The following MPZ variants were observed in gnomAD, a reference collection of about 807,000 sequenced individuals.
MPZ encodes the protein myelin protein P0.
A neutral mutation model predicts 27.9 loss-of-function variants in MPZ; 13 were observed. The observed-to-expected ratio is 0.47, with a 90% CI of 0.30 to 0.74. MPZ has a LOEUF of 0.74. MPZ is among the 30% of genes least tolerant of loss of function. The probability of loss-of-function intolerance (pLI) is 0.06; values close to 1 mark genes in which losing one functional copy is unlikely to be tolerated. For synonymous variants in MPZ, 118 were observed against 128.9 expected, an observed-to-expected ratio of 0.92 and a Z score of 0.57; for missense variants, 256 against 317.5, an observed-to-expected ratio of 0.81 and a Z score of 1.47.
chr1:161,309,552 A>ATATATATATTTTTTTTT, intron 1 of MPZ, among the ~76,000 whole-genome samples: 21 of 80,630 alleles, frequency 2.6e-4, no homozygotes, highest in East Asian at 5.0e-4. Flanking sequence ...ATATATATAT[A>ATATATATATTTTTTTTT]TTTTTTTTTT....
At chr1:161,309,801 G>T in intron 1 of MPZ, 38 bp downstream of exon 1, 1 of 1,519,964 alleles carries the variant, frequency 6.6e-7, no homozygotes, top group Middle Eastern at 1.7e-4. Flanking sequence ...AGAGACACCT[G>T]AGTCCCAAGA....
intron 1 of MPZ, among the ~76,000 whole-genome samples, chr1:161,307,944 T>C (rs1670302966): frequency 6.6e-6 from 1 of 152,186 alleles, no homozygotes; most frequent in Non-Finnish European, 1.5e-5. Flanking sequence ...CAGTATAAAC[T>C]CAATAAACTC....
rs183375483 is a variant in MPZ at position 161,306,349 on chromosome 1, C to G, written c.564G>C (p.Ala188=). The G allele has an allele frequency of 1.2e-6, 2 of 1,614,196 alleles. No homozygotes were observed. Among genetic ancestry groups the G allele is most frequent in the East Asian group, 2.2e-5 (1 of 44,868 alleles). The change falls in exon 4 of 6, where the codon GCG becomes GCC. Residue 188 remains alanine, a synonymous_variant. Coordinates refer to ENST00000533357, the MANE Select transcript of MPZ (RefSeq NM_000530.8). ...VVRYCWLRRQ[A]ALQRRLSAME... ...CTTACCTGAGCCTCCTCTGCAGGGC[C>G]GCCTGCCTGCGTAGCCAGCAGTACC...
downstream of MPZ, chr1:161,304,660 A>G (rs1376212789): frequency 6.5e-6 from 1 of 152,774 alleles, no homozygotes; most frequent in Non-Finnish European, 1.5e-5. Context: ...GAAGCCAAGT[A>G]TGGAAGGTTG....
At chr1:161,307,119 A>ACAAAGACTG (rs1263882927) in intron 2 of MPZ, 139 bp downstream of exon 2, 4 of 1,207,950 alleles carry the variant, frequency 3.3e-6, no homozygotes, top group Non-Finnish European at 4.7e-6. Context: ...AGTCAGGGTG[A>ACAAAGACTG]CAAAGACTGT....
intron 3 of MPZ, 97 bp downstream of exon 3, chr1:161,306,611 T>C: frequency 6.4e-7 from 1 of 1,553,474 alleles, no homozygotes; most frequent in Non-Finnish European, 8.9e-7. Flanking sequence ...ATAAAGGTCC[T>C]TAGGCCGGGC....
At chr1:161,307,611 C>T in intron 1 of MPZ, 187 bp from the exon 2 acceptor site, 3 of 623,314 alleles carry the variant, frequency 4.8e-6, no homozygotes, top group Non-Finnish European at 8.5e-6. Flanking sequence ...CTGTGTCTGT[C>T]AAGCTCTTTA....
chr1:161,307,591 A>G, intron 1 of MPZ, 167 bp from the exon 2 acceptor site: 2 of 663,884 alleles, frequency 3.0e-6, no homozygotes, highest in East Asian at 2.7e-5. Context: ...TGAACAGATG[A>G]GCATAAATGC....
chr1:161,306,680 A>G, intron 3 of MPZ, 28 bp downstream of exon 3: 2 of 1,609,894 alleles, frequency 1.2e-6, no homozygotes, highest in Non-Finnish European at 1.7e-6. Context: ...ACTGCTTCCC[A>G]TACCCTTGTC....
chr1:161,306,646 C>G (rs1670256233), intron 3 of MPZ, 62 bp downstream of exon 3: 2 of 1,577,816 alleles, frequency 1.3e-6, no homozygotes, highest in Non-Finnish European at 1.7e-6. Flanking sequence ...CCCAACCTAT[C>G]AGTCCTCCCT....
intron 3 of MPZ, 35 bp downstream of exon 3, chr1:161,306,673 G>A (rs1383763878): frequency 6.2e-7 from 1 of 1,604,548 alleles, no homozygotes; most frequent in Non-Finnish European, 8.5e-7. Flanking sequence ...CTCCCAAACT[G>A]CTTCCCATAC....
intron 4 of MPZ, 32 bp from the exon 5 acceptor site, chr1:161,306,200 C>A (rs1305644473): frequency 6.2e-7 from 1 of 1,613,734 alleles, no homozygotes. Context: ...TACGTTTGGC[C>A]TCGCCGGAAC....
chr1:161,303,900 T>C (rs527609405), downstream of MPZ, among the ~76,000 whole-genome samples: 30 of 152,308 alleles, frequency 2.0e-4, no homozygotes, highest in South Asian at 5.4e-3. Context: ...CTCAAACAAA[T>C]GGAAGCACTC....
At chr1:161,306,028 T>C in intron 5 of MPZ, 51 bp from the exon 6 acceptor site, 1 of 1,608,248 alleles carries the variant, frequency 6.2e-7, no homozygotes, top group South Asian at 1.1e-5. Flanking sequence ...GCTTGACTGT[T>C]CCCATCCCAC....
At chr1:161,309,341 T>G (rs1670338441) in intron 1 of MPZ, among the ~76,000 whole-genome samples, 1 of 151,910 alleles carries the variant, frequency 6.6e-6, no homozygotes, top group Admixed American at 6.6e-5. Flanking sequence ...AACCCAGGTG[T>G]TTGAGCCTAT....
intron 1 of MPZ, among the ~76,000 whole-genome samples, chr1:161,307,856 G>A (rs1216822426): frequency 6.6e-6 from 1 of 152,092 alleles, no homozygotes; most frequent in Non-Finnish European, 1.5e-5. Flanking sequence ...AGTCTCCTTT[G>A]ACACTTAGCC....
intron 1 of MPZ, among the ~76,000 whole-genome samples, chr1:161,309,565 TTG>T (rs2102262452): frequency 6.9e-6 from 1 of 145,104 alleles, no homozygotes; most frequent in African/African-American, 2.5e-5. Flanking sequence ...TTTTTTTTTT[TTG>T]AATTTTACAG....
In MPZ at chr1:161,306,689, T is replaced by C. The variant is rs769010658; in HGVS notation, c.448+19A>G. 8.1e-6 allele frequency: 13 copies of C among 1,611,878 alleles called. No individual in the cohort carries two copies. In the East Asian group the frequency reaches 2.0e-4, roughly 25 times the overall value. ...TCCCAAACTGCTTCCCATACCCTTG[T>C]CCCCATCCCTTCTCACACCTTTTTC... On this transcript the variant is annotated intron_variant, in intron 3 of 5. Coordinates refer to ENST00000533357, the MANE Select transcript of MPZ (RefSeq NM_000530.8).
intron 1 of MPZ, among the ~76,000 whole-genome samples, chr1:161,308,988 C>T (rs72714962): frequency 0.098 from 14,955 of 152,232 alleles, 1,061 homozygotes; most frequent in Non-Finnish European, 0.14. Flanking sequence ...CCCCACTTGC[C>T]TATGGCTCAC....
Sources: gnomAD v4.1 joint callset for allele counts (sites outside exome capture counted in the v4.1 genomes callset) on GRCh38, gnomAD v4.1.1 for gene constraint, MANE v1.5 for transcripts, NCBI Gene and HGNC (gene_info 2026-07-23, HGNC 2026-07-21) for gene names.